PRSS12: variants seen among roughly 807,000 people sequenced by gnomAD.
The protein encoded by PRSS12 is serine protease 12.
In PRSS12, 85 loss-of-function variants were observed where a neutral mutation model predicts 104.4. That is an observed-to-expected ratio of 0.81 (90% CI 0.68 to 0.98). The LOEUF (loss-of-function observed/expected upper bound fraction) is 0.98. Among genes scored for constraint, PRSS12 ranks in the 50% least tolerant of loss-of-function variants. The pLI is 0.00. For missense variants in PRSS12, 1,141 were observed against 1,139.2 expected (o/e 1.00, Z -0.02); for synonymous variants, 454 against 425.2 (o/e 1.07, Z -0.83).
chr4:118,308,292 T>C, intron 8 of PRSS12, 144 bp downstream of exon 8: 1 of 1,135,740 alleles, frequency 8.8e-7, no homozygotes, highest in Non-Finnish European at 1.3e-6. Flanking sequence ...TTCTTTATAA[T>C]TCTGGATCAA....
chr4:118,308,393 T>C, intron 8 of PRSS12, 43 bp downstream of exon 8: 1 of 1,612,248 alleles, frequency 6.2e-7, no homozygotes, highest in Non-Finnish European at 8.5e-7. Flanking sequence ...AAAATTCAGA[T>C]ATGCTCATCA....
intron 11 of PRSS12, among the ~76,000 whole-genome samples, chr4:118,287,186 C>T (rs1039736519): frequency 6.6e-6 from 1 of 152,046 alleles, no homozygotes; most frequent in African/African-American, 2.4e-5. Context: ...ACTCTGTTGC[C>T]CAGGCTGGAG....
chr4:118,283,766 C>CTTTT (rs1560762382), intron 11 of PRSS12, among the ~76,000 whole-genome samples: 1 of 152,146 alleles, frequency 6.6e-6, no homozygotes, highest in Non-Finnish European at 1.5e-5. Flanking sequence ...TTCATCTCTA[C>CTTTT]TTTTCCTCGT....
rs1743202850 is a variant in PRSS12, at chr4:118,294,374, A to G, written c.2039+565T>C. 2.0e-5 allele frequency among the ~76,000 whole-genome samples: 3 copies of G among 152,304 alleles called. No homozygotes were observed. In the South Asian group the frequency reaches 6.2e-4, roughly 32 times the overall value. The stretch of plus-strand genomic sequence containing the variant: ...AAAGTAGAGCCAGTTCTACTGCAGG[A>G]TCTGCCACCATGAGCTCCGTGACTC... On this transcript the variant is annotated intron_variant, in intron 11 of 12. Transcript: ENST00000296498.
At chr4:118,303,225 T>A (rs1174146428) in intron 8 of PRSS12, 3 of 151,450 alleles carry the variant, frequency 2.0e-5, no homozygotes, top group Admixed American at 2.0e-4. Context: ...GAAAATTGAA[T>A]TAATCATGAA....
At chr4:118,312,528 C>A (rs1743771517) in intron 7 of PRSS12, among the ~76,000 whole-genome samples, 1 of 152,084 alleles carries the variant, frequency 6.6e-6, no homozygotes, top group Non-Finnish European at 1.5e-5. Context: ...TGTTTAACTG[C>A]TATCTACTCT....
At chr4:118,293,772 A>AT (rs1343663206) in intron 11 of PRSS12, among the ~76,000 whole-genome samples, 2 of 139,626 alleles carry the variant, frequency 1.4e-5, no homozygotes, top group Non-Finnish European at 3.2e-5. Context: ...GAACTTACAC[A>AT]TTGCTGGGTT....
At chr4:118,313,434 T>C in intron 6 of PRSS12, 37 bp from the exon 7 acceptor site, 1 of 1,604,912 alleles carries the variant, frequency 6.2e-7, no homozygotes, top group Non-Finnish European at 8.5e-7. Context: ...ATAGAACTTC[T>C]GTCTCTTGGT....
intron 4 of PRSS12, among the ~76,000 whole-genome samples, chr4:118,330,447 T>G (rs1723889490): frequency 6.6e-6 from 1 of 151,834 alleles, no homozygotes; most frequent in Admixed American, 6.6e-5. Context: ...TGGGACAGTC[T>G]CCAAAACAAC....
chr4:118,306,315 T>A (rs1743550649), intron 8 of PRSS12, among the ~76,000 whole-genome samples: 1 of 152,220 alleles, frequency 6.6e-6, no homozygotes, highest in Non-Finnish European at 1.5e-5. Context: ...ATGGACTAAA[T>A]GATTGTGTTA....
chr4:118,352,177 G>A (rs757780282), intron 1 of PRSS12, 42 bp downstream of exon 1: 4 of 1,607,184 alleles, frequency 2.5e-6, no homozygotes, highest in Admixed American at 1.7e-5. Context: ...CACTGGCTCC[G>A]AGCCCGTCCG....
chr4:118,300,142 C>T (rs1028306167), intron 8 of PRSS12, among the ~76,000 whole-genome samples: 1 of 152,014 alleles, frequency 6.6e-6, no homozygotes, highest in Admixed American at 6.6e-5. Context: ...CCCCAAGTAG[C>T]TGGGACTACA....
chr4:118,349,040 G>C (rs1724426710), intron 1 of PRSS12, among the ~76,000 whole-genome samples: 1 of 151,944 alleles, frequency 6.6e-6, no homozygotes, highest in African/African-American at 2.4e-5. Context: ...CTGAGCCACT[G>C]GAACATCCAC....
At chr4:118,326,613 A>G (rs1723777896) in intron 4 of PRSS12, among the ~76,000 whole-genome samples, 1 of 152,160 alleles carries the variant, frequency 6.6e-6, no homozygotes. Context: ...TTCTTCTTAA[A>G]TTTAACTTTC....
Position 118,282,378 on chromosome 4 carries a change from A to G in PRSS12, c.2321-135T>C, listed in dbSNP as rs957880520. 7 of 1,111,214 alleles carry G rather than the reference A, an allele frequency of 6.3e-6. No individual in the cohort carries two copies. In the Admixed American group the frequency reaches 1.3e-4, roughly 21 times the overall value. 68.8% of individuals were successfully genotyped at this position (1,111,214 alleles called of 1,614,324 possible). A position where few individuals can be genotyped will look rare whatever the true frequency, so the allele number is the denominator to read the frequency against. On this transcript the variant is annotated intron_variant, in intron 12 of 12. Transcript: ENST00000296498. ...TGTAGTTTAAAATGAGCAATGACTA[A>G]CTGGTATGTACTATTGTTAGCTGCC...
chr4:118,315,215 T>C (rs1743874147), intron 6 of PRSS12, among the ~76,000 whole-genome samples: 1 of 152,136 alleles, frequency 6.6e-6, no homozygotes. Context: ...TATGTAGCAA[T>C]ATAAGGTTAA....
intron 11 of PRSS12, among the ~76,000 whole-genome samples, chr4:118,292,401 T>A (rs1163040551): frequency 6.6e-6 from 1 of 152,190 alleles, no homozygotes; most frequent in Non-Finnish European, 1.5e-5. Context: ...CCTGGACTAT[T>A]AACAAGCTAA....
At chr4:118,341,608 G>A (rs1433396867) in intron 1 of PRSS12, among the ~76,000 whole-genome samples, 1 of 147,814 alleles carries the variant, frequency 6.8e-6, no homozygotes, top group Admixed American at 6.7e-5. Context: ...CTTGAACCCG[G>A]GAGGCTGAGG....
At chr4:118,334,750 G>A (rs981647962) in intron 3 of PRSS12, among the ~76,000 whole-genome samples, 1 of 152,126 alleles carries the variant, frequency 6.6e-6, no homozygotes, top group Non-Finnish European at 1.5e-5. Flanking sequence ...ACCATTCCAA[G>A]TCCTGGGATA....
Sources: gnomAD v4.1 joint callset for allele counts (sites outside exome capture counted in the v4.1 genomes callset) on GRCh38, gnomAD v4.1.1 for gene constraint, MANE v1.5 for transcripts, NCBI Gene and HGNC (gene_info 2026-07-23, HGNC 2026-07-21) for gene names.